BRINP2: variants seen among roughly 807,000 people sequenced by gnomAD.
BRINP2 encodes the protein BMP/retinoic acid-inducible neural-specific protein 2.
A neutral mutation model predicts 69.2 loss-of-function variants in BRINP2; 21 were observed. The ratio of observed to expected loss-of-function variants is 0.30; its 90% CI spans 0.22 to 0.44. The LOEUF (loss-of-function observed/expected upper bound fraction) is 0.44. Ranked by LOEUF, BRINP2 falls within the 20% of genes least tolerant of loss-of-function variation. The pLI is 1.00. For missense variants in BRINP2, 877 were observed against 986.0 expected (o/e 0.89, Z 1.48); for synonymous variants, 380 against 394.1 (o/e 0.96, Z 0.42).
chr1:177,171,829 C>G (rs968011187), intron 1 of BRINP2, 97 bp downstream of exon 1: 3 of 152,216 alleles, frequency 2.0e-5, no homozygotes, highest in Non-Finnish European at 4.4e-5. Context: ...ATACAACCCT[C>G]TTGCCCTGGT....
chr1:177,235,622 C>T (rs1472502967), intron 2 of BRINP2, among the ~76,000 whole-genome samples: 1 of 152,146 alleles, frequency 6.6e-6, no homozygotes, highest in Non-Finnish European at 1.5e-5. Flanking sequence ...ATCCGGACCA[C>T]GTCTCTCTGA....
chr1:177,179,522 C>T (rs943974312), intron 1 of BRINP2, among the ~76,000 whole-genome samples: 5 of 152,218 alleles, frequency 3.3e-5, no homozygotes, highest in African/African-American at 1.2e-4. Context: ...AGACATATCT[C>T]AGAAGGTGTC....
At chr1:177,219,486 G>A (rs1649465714) in intron 1 of BRINP2, among the ~76,000 whole-genome samples, 1 of 152,224 alleles carries the variant, frequency 6.6e-6, no homozygotes, top group African/African-American at 2.4e-5. Context: ...AGTTTGTGAT[G>A]TAGCATCTAT....
At chr1:177,210,811 G>A (rs1649200191) in intron 1 of BRINP2, among the ~76,000 whole-genome samples, 2 of 151,284 alleles carry the variant, frequency 1.3e-5, no homozygotes. Flanking sequence ...TGCAGTAAAT[G>A]TGAAATACAT....
At chr1:177,273,452 T>G (rs201731911) in intron 4 of BRINP2, 36 bp from the exon 5 acceptor site, 185 of 1,442,872 alleles carry the variant, frequency 1.3e-4, no homozygotes, top group Non-Finnish European at 1.7e-4. Context: ...TCTCCACTTG[T>G]TATCTAAACC....
intron 6 of BRINP2, among the ~76,000 whole-genome samples, chr1:177,277,607 C>A (rs1485057321): frequency 6.6e-6 from 1 of 151,562 alleles, no homozygotes; most frequent in Non-Finnish European, 1.5e-5. Flanking sequence ...CATGAGAAAT[C>A]AAAATGAGCT....
chr1:177,212,763 G>GT (rs748153250), intron 1 of BRINP2, among the ~76,000 whole-genome samples: 4 of 152,134 alleles, frequency 2.6e-5, no homozygotes, highest in Non-Finnish European at 5.9e-5. Flanking sequence ...GCACACTACT[G>GT]TTTGTCACAC....
rs763946593 is a variant in BRINP2 at position 177,280,746 on chromosome 1, C to A, written c.1570C>A (p.Arg524Ser). 1.9e-6 allele frequency: 3 copies of A among 1,614,200 alleles called. No individual in the cohort carries two copies. Among genetic ancestry groups the A allele is most frequent in the Non-Finnish European group, 2.5e-6 (3 of 1,180,034 alleles). ...GTACCTGCTGCAGAAGCAGGATAGC[C>A]GCATTGAGGTACACTCCATCTTCAT... ...LKYLLQKQDS[R>S]IEVHSIFISN... The change falls in exon 8 of 8, where the codon CGC becomes AGC. Residue 524 changes from arginine to serine, a missense_variant. Coordinates refer to ENST00000361539, the MANE Select transcript of BRINP2 (RefSeq NM_021165.4).
intron 4 of BRINP2, among the ~76,000 whole-genome samples, chr1:177,272,844 G>A (rs2102360072): frequency 1.3e-5 from 2 of 152,168 alleles, no homozygotes; most frequent in South Asian, 4.2e-4. Context: ...TAAACATCAG[G>A]GAAAACTGAT....
chr1:177,242,427 G>T lies in BRINP2; in HGVS notation c.269+12282G>T, dbSNP rs572015632. Among the ~76,000 whole-genome samples, 16 of 152,084 alleles carry T rather than the reference G, an allele frequency of 1.1e-4. No homozygotes were observed. The South Asian group carries it at 2.9e-3, about 28-fold the overall frequency. On this transcript the variant is annotated intron_variant, in intron 2 of 7. Coordinates refer to ENST00000361539, the MANE Select transcript of BRINP2 (RefSeq NM_021165.4). Reference sequence around the variant, plus strand: ...CCTGTTTTTCTTCTGTTCCAGTCCCGATGAACACCTCCAGATTTGCCCACA... The same window carrying T: ...CCTGTTTTTCTTCTGTTCCAGTCCCTATGAACACCTCCAGATTTGCCCACA...
chr1:177,252,732 A>G (rs756969172), intron 2 of BRINP2, among the ~76,000 whole-genome samples: 56 of 151,890 alleles, frequency 3.7e-4, no homozygotes, highest in Non-Finnish European at 5.7e-4. Context: ...CTTTCCCACT[A>G]CCCTTCCTAG....
intron 1 of BRINP2, among the ~76,000 whole-genome samples, chr1:177,187,878 A>G (rs573258153): frequency 6.6e-6 from 1 of 152,334 alleles, no homozygotes; most frequent in Non-Finnish European, 1.5e-5. Context: ...TCTGTAATTT[A>G]AAAGATTAAA....
chr1:177,187,925 T>C (rs942814434), intron 1 of BRINP2, among the ~76,000 whole-genome samples: 1 of 152,206 alleles, frequency 6.6e-6, no homozygotes, highest in Non-Finnish European at 1.5e-5. Flanking sequence ...AGAGTCTTGA[T>C]CTAAAATTCC....
intron 1 of BRINP2, among the ~76,000 whole-genome samples, chr1:177,207,909 C>T (rs1649111349): frequency 6.6e-6 from 1 of 152,042 alleles, no homozygotes; most frequent in Non-Finnish European, 1.5e-5. Flanking sequence ...AGACAGAAAC[C>T]AGGAAAGAGA....
intron 1 of BRINP2, among the ~76,000 whole-genome samples, chr1:177,205,341 A>C (rs191133179): frequency 7.8e-4 from 119 of 152,312 alleles, no homozygotes; most frequent in African/African-American, 2.7e-3. Context: ...GAGTTTCGCC[A>C]CATTGGCCAG....
intron 1 of BRINP2, among the ~76,000 whole-genome samples, chr1:177,194,862 G>C (rs1429368243): frequency 1.3e-5 from 2 of 152,106 alleles, no homozygotes; most frequent in Non-Finnish European, 2.9e-5. Context: ...AAGACGCTCT[G>C]TACTTTCTCC....
intron 1 of BRINP2, among the ~76,000 whole-genome samples, chr1:177,178,651 C>T (rs1319203540): frequency 6.6e-6 from 1 of 152,140 alleles, no homozygotes; most frequent in Non-Finnish European, 1.5e-5. Flanking sequence ...GCTCTGTACT[C>T]ACCACACCAT....
intron 1 of BRINP2, among the ~76,000 whole-genome samples, chr1:177,185,000 A>G (rs919318189): frequency 1.2e-4 from 18 of 152,186 alleles, no homozygotes; most frequent in African/African-American, 4.3e-4. Context: ...CATGAGATTC[A>G]GAAAACTGAA....
At chr1:177,249,811 A>C (rs1650524930) in intron 2 of BRINP2, among the ~76,000 whole-genome samples, 1 of 152,222 alleles carries the variant, frequency 6.6e-6, no homozygotes, top group Non-Finnish European at 1.5e-5. Flanking sequence ...CAGATGCTGG[A>C]AAGAACCAGG....
Sources: allele counts gnomAD v4.1 joint callset (sites outside exome capture counted in the v4.1 genomes callset), GRCh38; gene constraint gnomAD v4.1.1; transcripts MANE v1.5; gene names NCBI Gene and HGNC (gene_info 2026-07-23, HGNC 2026-07-21).